RASGEF1C: variants seen among roughly 807,000 people sequenced by gnomAD.
RASGEF1C encodes RasGEF domain family member 1C.
RASGEF1C carries 27 observed loss-of-function variants against 58.1 expected under a neutral mutation model. The ratio of observed to expected loss-of-function variants is 0.46; its 90% CI spans 0.34 to 0.64. The LOEUF is 0.64. RASGEF1C is among the 30% of genes least tolerant of loss of function. The pLI, the probability that RASGEF1C is intolerant of heterozygous loss-of-function variation, is 0.01. For missense variants in RASGEF1C, 502 were observed against 605.1 expected (o/e 0.83, Z 1.79); for synonymous variants, 243 against 246.3 (o/e 0.99, Z 0.13).
chr5:180,181,213 T>C lies in RASGEF1C; in HGVS notation c.-7+27815A>G, dbSNP rs1411688414. Among the ~76,000 whole-genome samples the C allele has an allele frequency of 3.3e-5, 5 of 152,246 alleles. No individual in the cohort carries two copies. The East Asian group carries it at 9.6e-4, about 29-fold the overall frequency. On this transcript the variant is annotated intron_variant, in intron 1 of 13. Transcript: ENST00000361132. Reference sequence around the variant, plus strand: ...CCACCGGGATCAGGGACAAAGGAAATGGCAGCTACCAGGTAAACATAAAAG... The same window carrying C: ...CCACCGGGATCAGGGACAAAGGAAACGGCAGCTACCAGGTAAACATAAAAG...
At chr5:180,146,204 A>C (rs1390174135) in intron 1 of RASGEF1C, among the ~76,000 whole-genome samples, 2 of 152,102 alleles carry the variant, frequency 1.3e-5, no homozygotes, top group Non-Finnish European at 2.9e-5. Context: ...GTGCAGTGGC[A>C]CAATCTTGAC....
At chr5:180,142,622 C>T (rs1301253264) in intron 1 of RASGEF1C, among the ~76,000 whole-genome samples, 1 of 152,012 alleles carries the variant, frequency 6.6e-6, no homozygotes, top group African/African-American at 2.4e-5. Flanking sequence ...TGGCTGTGGC[C>T]GCTGCAGTGA....
intron 1 of RASGEF1C, among the ~76,000 whole-genome samples, chr5:180,166,904 G>A (rs1767031941): frequency 1.3e-5 from 2 of 152,090 alleles, no homozygotes; most frequent in Non-Finnish European, 2.9e-5. Flanking sequence ...GGCCTCTATG[G>A]CTTCTGAAAG....
rs1384822966 is a variant in RASGEF1C, at chr5:180,136,680, AGAG to A, written c.301-168_301-166del. On this transcript the variant is annotated intron_variant, in intron 3 of 13. Transcript: ENST00000361132. Reference sequence around the variant, plus strand: ...GCGATCCTGCTCTGCGCCCACGGGGAGAGGAGGGGGGACGGACACATTTCTGGG... The same window carrying A: ...GCGATCCTGCTCTGCGCCCACGGGGAGAGGGGGGACGGACACATTTCTGGG... 8 of 673,834 alleles carry A rather than the reference AGAG, an allele frequency of 1.2e-5. No homozygotes were observed. In the East Asian group the frequency reaches 2.4e-4, roughly 20 times the overall value. The allele number at this position is 673,834 out of a possible 1,614,324, so 41.7% of individuals were successfully genotyped here. A position where few individuals can be genotyped will look rare whatever the true frequency, so the allele number is the denominator to read the frequency against.
At chr5:180,148,703 C>T (rs983271682) in intron 1 of RASGEF1C, among the ~76,000 whole-genome samples, 1 of 152,126 alleles carries the variant, frequency 6.6e-6, no homozygotes, top group Non-Finnish European at 1.5e-5. Flanking sequence ...TACTTATTTT[C>T]TTAATGTATT....
intron 1 of RASGEF1C, among the ~76,000 whole-genome samples, chr5:180,157,951 T>C (rs1197469689): frequency 6.6e-6 from 1 of 152,146 alleles, no homozygotes; most frequent in Non-Finnish European, 1.5e-5. Flanking sequence ...AGGTGAACTA[T>C]GCACTCTGGG....
chr5:180,182,069 G>A (rs1250063767), intron 1 of RASGEF1C, among the ~76,000 whole-genome samples: 2 of 151,902 alleles, frequency 1.3e-5, no homozygotes, highest in Non-Finnish European at 2.9e-5. Flanking sequence ...GCCGGGCATG[G>A]TGGCGGGCGC....
intron 4 of RASGEF1C, 97 bp downstream of exon 4, chr5:180,136,281 G>C (rs180933191): frequency 8.0e-7 from 1 of 1,250,842 alleles, no homozygotes; most frequent in African/African-American, 1.5e-5. Context: ...TGGTGTGCAG[G>C]GTGGGGAGAT....
chr5:180,206,431 T>G (rs888649748), intron 1 of RASGEF1C, among the ~76,000 whole-genome samples: 1 of 152,212 alleles, frequency 6.6e-6, no homozygotes, highest in African/African-American at 2.4e-5. Context: ...ACTGAAATAC[T>G]GTTTCTCAGC....
At chr5:180,176,456 C>A (rs1351188913) in intron 1 of RASGEF1C, among the ~76,000 whole-genome samples, 1 of 152,268 alleles carries the variant, frequency 6.6e-6, no homozygotes, top group Non-Finnish European at 1.5e-5. Flanking sequence ...CCATCGCACC[C>A]TCCTGCCCCT....
At chr5:180,126,263 CG>C in intron 6 of RASGEF1C, among the ~76,000 whole-genome samples, 1 of 152,178 alleles carries the variant, frequency 6.6e-6, no homozygotes. Context: ...AAAAATTAGC[CG>C]GGTGTTGTGG....
intron 8 of RASGEF1C, 73 bp downstream of exon 8, chr5:180,119,273 G>T: frequency 7.8e-7 from 1 of 1,283,508 alleles, no homozygotes; most frequent in Non-Finnish European, 1.1e-6. Flanking sequence ...CACTCTGCCT[G>T]CCTGGCTGCA....
At chr5:180,190,531 TAGCC>T (rs1756145366) in intron 1 of RASGEF1C, among the ~76,000 whole-genome samples, 2 of 121,310 alleles carry the variant, frequency 1.6e-5, no homozygotes, top group African/African-American at 5.9e-5. Context: ...TAATAATAAT[TAGCC>T]AGGCACGGTG....
At chr5:180,192,668 T>A (rs1756185066) in intron 1 of RASGEF1C, among the ~76,000 whole-genome samples, 1 of 152,054 alleles carries the variant, frequency 6.6e-6, no homozygotes, top group African/African-American at 2.4e-5. Flanking sequence ...ATTAGTAACT[T>A]ATAGTGACTA....
chr5:180,145,411 G>A (rs892731307), intron 1 of RASGEF1C, among the ~76,000 whole-genome samples: 2 of 152,142 alleles, frequency 1.3e-5, no homozygotes, highest in Non-Finnish European at 2.9e-5. Context: ...GTGAGCCACC[G>A]TGCCCGGCCC....
In RASGEF1C at chr5:180,128,681, G is replaced by T. The variant is rs767026418; in HGVS notation, c.439-71C>A. The T allele has an allele frequency of 9.4e-4, 1,372 of 1,463,160 alleles. 2 individuals carry two copies. The highest frequency in any genetic ancestry group is 1.2e-3 in the Non-Finnish European group (1,281 of 1,066,942). The allele number at this position is 1,463,160 out of a possible 1,614,324, so 90.6% of individuals were successfully genotyped here. A position where few individuals can be genotyped will look rare whatever the true frequency, so the allele number is the denominator to read the frequency against. On this transcript the variant is annotated intron_variant, in intron 4 of 13. Transcript: ENST00000361132. ...GCATCTCTAACACTGGAACCAGGCA[G>T]CCACCTGGGCTCCAAAGGGAGGGTC...
intron 6 of RASGEF1C, among the ~76,000 whole-genome samples, chr5:180,125,786 CA>C (rs529365967): frequency 0.046 from 6,192 of 135,154 alleles, 413 homozygotes; most frequent in African/African-American, 0.15. Flanking sequence ...GACTCCATCT[CA>C]AAAAAAAAAA....
chr5:180,149,702 C>A (rs1766716068), intron 1 of RASGEF1C, among the ~76,000 whole-genome samples: 1 of 152,228 alleles, frequency 6.6e-6, no homozygotes, highest in South Asian at 2.1e-4. Flanking sequence ...GATCCACCCG[C>A]CTCGGCCTCC....
At position 180,177,164 on chromosome 5, in the gene RASGEF1C, A is replaced by G. The variant is rs2113318768; in HGVS notation, c.-7+31864T>C. 6.6e-6 allele frequency among the ~76,000 whole-genome samples: 1 copy of G among 151,574 alleles called. No individual in the cohort carries two copies. The highest frequency in any genetic ancestry group is 2.0e-4 in the East Asian group (1 of 5,068). On this transcript the variant is annotated intron_variant, in intron 1 of 13. Transcript: ENST00000361132. The surrounding 1 kb of genome is among the most constrained non-coding windows in gnomAD (Gnocchi z 5.0). Reference sequence around the variant, plus strand: ...GAGGGGCTGGATGAGGGGCAGTGGGATGGGGGGCTGGCTGGGCTACTTCCA... The same window carrying G: ...GAGGGGCTGGATGAGGGGCAGTGGGGTGGGGGGCTGGCTGGGCTACTTCCA...
Sources: allele counts gnomAD v4.1 joint callset (sites outside exome capture counted in the v4.1 genomes callset), GRCh38; gene constraint gnomAD v4.1.1; non-coding constraint Gnocchi (gnomAD v3.1); transcripts MANE v1.5; gene names NCBI Gene and HGNC (gene_info 2026-07-23, HGNC 2026-07-21).